Variants in CEP250 observed in about 807,000 individuals in gnomAD.
CEP250 encodes centrosome-associated protein CEP250.
Under a neutral mutation model 315.7 loss-of-function variants are expected in CEP250, and 242 were observed. That is an observed-to-expected ratio of 0.77 (90% CI 0.69 to 0.85). CEP250 has a LOEUF of 0.85. Among genes scored for constraint, CEP250 ranks in the 40% least tolerant of loss-of-function variants. The pLI, the probability that CEP250 is intolerant of heterozygous loss-of-function variation, is 0.00. For missense variants in CEP250, 2,515 were observed against 2,886.4 expected, an observed-to-expected ratio of 0.87 and a Z score of 2.95; for synonymous variants, 1,088 against 1,175.0, an observed-to-expected ratio of 0.93 and a Z score of 1.51.
intron 17 of CEP250, among the ~76,000 whole-genome samples, chr20:35,478,398 C>T (rs1030724575): frequency 6.6e-6 from 1 of 152,138 alleles, no homozygotes; most frequent in African/African-American, 2.4e-5. Flanking sequence ...AACCCTGTCT[C>T]TACTAAAAAT....
intron 20 of CEP250, among the ~76,000 whole-genome samples, chr20:35,483,915 T>C (rs2063430453): frequency 6.6e-6 from 1 of 152,190 alleles, no homozygotes; most frequent in Non-Finnish European, 1.5e-5. Flanking sequence ...AATTTTTTAT[T>C]TCTAGATATT....
At chr20:35,467,188 A>C in intron 8 of CEP250, 116 bp downstream of exon 8, 1 of 1,335,072 alleles carries the variant, frequency 7.5e-7, no homozygotes, top group Non-Finnish European at 1.1e-6. Context: ...GGGAGTTGGT[A>C]GTATTGGAAG....
At position 35,467,460 on chromosome 20, in the gene CEP250, G is replaced by C; in HGVS notation, c.756G>C (p.Lys252Asn). The change falls in exon 9 of 35, where the codon AAG becomes AAC. Residue 252 changes from lysine to asparagine, a missense_variant. Lys to Asn is a moderately conservative substitution (Grantham distance 94). Coordinates refer to ENST00000397527, the MANE Select transcript of CEP250 (RefSeq NM_007186.6). ...EPAQLLLLLA[K>N]TQELEKEAHE... is the part of the protein sequence containing the mutation. ...CCCAGCTGCTGCTGCTACTAGCCAA[G>C]ACCCAGGAGCTGGAGAAGGAAGCCC... 6.2e-7 allele frequency: 1 copy of C among 1,614,194 alleles called. No homozygotes were observed. Among genetic ancestry groups the C allele is most frequent in the Non-Finnish European group, 8.5e-7 (1 of 1,180,034 alleles).
At chr20:35,495,450 A>C (rs1329926725) in intron 24 of CEP250, among the ~76,000 whole-genome samples, 3 of 152,220 alleles carry the variant, frequency 2.0e-5, no homozygotes, top group African/African-American at 7.2e-5. Flanking sequence ...TTGTATTCTT[A>C]GTGCTGTGGG....
chr20:35,485,481 T>C (rs1336767468), intron 20 of CEP250, among the ~76,000 whole-genome samples: 1 of 151,464 alleles, frequency 6.6e-6, no homozygotes, highest in Non-Finnish European at 1.5e-5. Flanking sequence ...CCAGTCCAGA[T>C]TTTTGTTTGT....
intron 27 of CEP250, 123 bp from the exon 28 acceptor site, chr20:35,499,926 A>G (rs1180427044): frequency 4.1e-6 from 5 of 1,233,556 alleles, no homozygotes; most frequent in Admixed American, 2.0e-5. Flanking sequence ...TAACCCGGCA[A>G]TCTGGGAGTA....
At chr20:35,480,545 G>A (rs938699443) in intron 20 of CEP250, among the ~76,000 whole-genome samples, 4 of 149,868 alleles carry the variant, frequency 2.7e-5, no homozygotes, top group African/African-American at 9.8e-5. Flanking sequence ...GGTGTATTTG[G>A]ATTTATTTGT....
In CEP250 at chr20:35,475,618, A is replaced by G; in HGVS notation, c.1688A>G (p.Gln563Arg). 2 of 1,614,024 alleles carry G rather than the reference A, an allele frequency of 1.2e-6. No homozygotes were observed. The highest frequency in any genetic ancestry group is 1.7e-6 in the Non-Finnish European group (2 of 1,180,016). Reference protein sequence around the residue: ...HLEGELLRQEQTEVTAALARA... With the variant: ...HLEGELLRQERTEVTAALARA... ...GAAGGGGAGTTACTGAGGCAAGAGC[A>G]AACGGAAGTGACCGCAGCGCTGGCT... Residue 563 changes from glutamine (Q) to arginine (R), a missense_variant, in exon 15 of 35, where the codon CAA becomes CGA. Transcript: ENST00000397527.
In CEP250 at chr20:35,504,506, A is replaced by G; in HGVS notation, c.6137A>G (p.Gln2046Arg). The G allele has an allele frequency of 6.2e-7, 1 of 1,613,870 alleles. No homozygotes were observed. ...DVQQLQQALA[Q>R]RDEELRHQQE... ...CAGCAGCTGCAGCAGGCACTTGCCC[A>G]GAGGGATGAAGAGCTGAGACATCAG... The change falls in exon 30 of 35, where the codon CAG (glutamine) becomes CGG (arginine). Residue 2046 changes from glutamine to arginine, a missense_variant. Gln to Arg is a conservative substitution (Grantham distance 43). Transcript: ENST00000397527.
At chr20:35,489,977 G>A (rs958395274) in intron 20 of CEP250, among the ~76,000 whole-genome samples, 1 of 152,038 alleles carries the variant, frequency 6.6e-6, no homozygotes, top group Non-Finnish European at 1.5e-5. Flanking sequence ...CCAGGAGTTC[G>A]AGTCCAGCCT....
intron 32 of CEP250, 150 bp downstream of exon 32, chr20:35,508,340 G>GCAAGAC: frequency 2.5e-6 from 2 of 810,684 alleles, no homozygotes; most frequent in Non-Finnish European, 3.8e-6. Flanking sequence ...CCGAGACAGA[G>GCAAGAC]TCTTGCTCTG....
At chr20:35,499,476 C>G in intron 27 of CEP250, among the ~76,000 whole-genome samples, 1 of 152,192 alleles carries the variant, frequency 6.6e-6, no homozygotes, top group East Asian at 1.9e-4. Context: ...CACAGTGAAC[C>G]TATCAGTCAA....
chr20:35,469,831 C>A, intron 9 of CEP250, 59 bp from the exon 10 acceptor site: 2 of 1,172,752 alleles, frequency 1.7e-6, no homozygotes, highest in Non-Finnish European at 2.5e-6. Flanking sequence ...TGTGCTGCAT[C>A]GTAGCTCTGT....
In CEP250 at chr20:35,475,577, G is replaced by T; in HGVS notation, c.1647G>T (p.Leu549=). 2 of 1,614,138 alleles carry T rather than the reference G, an allele frequency of 1.2e-6. No homozygotes were observed. The highest frequency in any genetic ancestry group is 2.2e-5 in the East Asian group (1 of 44,874). Residue 549 remains leucine (L), a synonymous_variant, in exon 15 of 35, where the codon CTG becomes CTT. Transcript: ENST00000397527. ...LSELITLREA[L]ESSHLEGELL... ...AACTGATCACTCTTCGGGAAGCCCT[G>T]GAGTCAAGTCACCTGGAAGGGGAGT...
intron 20 of CEP250, 75 bp from the exon 21 acceptor site, chr20:35,490,562 T>C: frequency 2.1e-6 from 3 of 1,429,296 alleles, no homozygotes; most frequent in South Asian, 1.3e-5. Context: ...AGAGAGACTT[T>C]GTTTTTCCAA....
At chr20:35,498,298 G>A (rs1447317667) in intron 26 of CEP250, among the ~76,000 whole-genome samples, 1 of 152,244 alleles carries the variant, frequency 6.6e-6, no homozygotes, top group African/African-American at 2.4e-5. Context: ...AAATGAGGAT[G>A]TTAAAAGTAT....
chr20:35,495,394 A>AT (rs1448506737), intron 24 of CEP250, among the ~76,000 whole-genome samples: 4 of 152,220 alleles, frequency 2.6e-5, no homozygotes, highest in African/African-American at 9.7e-5. Flanking sequence ...TTGTAATGCC[A>AT]TGAGACATCA....
At chr20:35,484,251 T>C (rs1041696256) in intron 20 of CEP250, among the ~76,000 whole-genome samples, 1 of 152,144 alleles carries the variant, frequency 6.6e-6, no homozygotes, top group African/African-American at 2.4e-5. Context: ...GGAATCTTTT[T>C]AGGCCTGAGG....
rs1481084013 is a variant in CEP250, at chr20:35,512,130, C to G, written c.*504C>G. Reference sequence around the variant, plus strand: ...GAAGGGTTACAGAGAACACACAAGACAAAGCCCCTGTCCACAGACAGCCTA... The same window carrying G: ...GAAGGGTTACAGAGAACACACAAGAGAAAGCCCCTGTCCACAGACAGCCTA... On this transcript the variant is annotated 3_prime_UTR_variant, in exon 35 of 35. Transcript: ENST00000397527. 2.6e-6 allele frequency: 2 copies of G among 761,712 alleles called. No individual in the cohort carries two copies. The highest frequency in any genetic ancestry group is 1.6e-6 in the Non-Finnish European group (1 of 624,132). 47.2% of individuals were successfully genotyped at this position (761,712 alleles called of 1,614,324 possible).
Sources: gnomAD v4.1 joint callset for allele counts (sites outside exome capture counted in the v4.1 genomes callset) on GRCh38, gnomAD v4.1.1 for gene constraint, MANE v1.5 for transcripts, NCBI Gene and HGNC (gene_info 2026-07-23, HGNC 2026-07-21) for gene names.